Variants in LRRC75A observed in about 807,000 individuals in gnomAD.
LRRC75A encodes leucine rich repeat containing 75A.
Under a neutral mutation model 26.0 loss-of-function variants are expected in LRRC75A, and 12 were observed. The ratio of observed to expected loss-of-function variants is 0.46; its 90% confidence interval spans 0.30 to 0.75. LRRC75A has a LOEUF of 0.75. Among genes scored for constraint, LRRC75A ranks in the 30% least tolerant of loss-of-function variants. LRRC75A has a pLI of 0.08. For synonymous variants in LRRC75A, 223 were observed against 219.3 expected (o/e 1.02, Z -0.15); for missense variants, 410 against 486.6 (o/e 0.84, Z 1.48).
At chr17:16,451,186 G>C (rs1252737030) in intron 2 of LRRC75A, among the ~76,000 whole-genome samples, 1 of 152,162 alleles carries the variant, frequency 6.6e-6, no homozygotes, top group East Asian at 1.9e-4. Flanking sequence ...AGCAGCAGGA[G>C]TAGTGGAGTC....
At chr17:16,454,928 TTTTC>T (rs869067457) in intron 2 of LRRC75A, among the ~76,000 whole-genome samples, 6 of 149,982 alleles carry the variant, frequency 4.0e-5, no homozygotes, top group African/African-American at 4.9e-5. Context: ...TTTTCTTTTC[TTTTC>T]TTTTTTTTTT....
rs76143941 is a variant in LRRC75A, at chr17:16,491,141, G to C, written c.246+604C>G. ...ACAGGGCACCAAATCCAGCTCCCCT[G>C]TCTCTACCGCTTTCCGCAGGGGCTC... On this transcript the variant is annotated intron_variant, in intron 1 of 3. Transcript: ENST00000470794. The surrounding 1 kb of genome is among the most constrained non-coding windows in gnomAD (Gnocchi z 5.9). 0.035 allele frequency among the ~76,000 whole-genome samples: 5,264 copies of C among 152,370 alleles called. 287 individuals carry two copies. The highest frequency in any genetic ancestry group is 0.12 in the African/African-American group (4,968 of 41,574).
chr17:16,456,615 G>A (rs2093687604), intron 2 of LRRC75A, among the ~76,000 whole-genome samples: 1 of 152,132 alleles, frequency 6.6e-6, no homozygotes, highest in South Asian at 2.1e-4. Context: ...TGCGGCAGGG[G>A]GAAGAGCAGT....
chr17:16,482,264 T>G (rs1320402639), intron 1 of LRRC75A, among the ~76,000 whole-genome samples: 1 of 152,176 alleles, frequency 6.6e-6, no homozygotes, highest in Non-Finnish European at 1.5e-5. Flanking sequence ...TGGTGCTGGG[T>G]GTCCTTCAGT....
At chr17:16,460,545 T>C (rs2093720043) in intron 2 of LRRC75A, among the ~76,000 whole-genome samples, 1 of 151,986 alleles carries the variant, frequency 6.6e-6, no homozygotes, top group African/African-American at 2.4e-5. Context: ...GGAGCTCGGC[T>C]GCTCCCACCA....
intron 1 of LRRC75A, among the ~76,000 whole-genome samples, chr17:16,478,178 C>T (rs921865947): frequency 1.3e-5 from 2 of 150,726 alleles, no homozygotes; most frequent in Non-Finnish European, 3.0e-5. Flanking sequence ...TGCCCATTTT[C>T]TTCTTTTTTT....
rs2093736641 is a variant in LRRC75A, at chr17:16,462,605, T to C, written c.247-219A>G. On this transcript the variant is annotated intron_variant, in intron 1 of 3. Coordinates refer to ENST00000470794, the MANE Select transcript of LRRC75A (RefSeq NM_001113567.3). This position sits in a 1 kb window ranked among gnomAD's most constrained non-coding sequence, Gnocchi z 4.6. ...AGCAGGGACTGGCCTCTGCAGGCTC[T>C]GCAGTTTGTGCAGGTCCTGGCTTGT... Among the ~76,000 whole-genome samples the C allele has an allele frequency of 6.6e-6, 1 of 152,224 alleles. No individual in the cohort carries two copies. Among genetic ancestry groups the C allele is most frequent in the Non-Finnish European group, 1.5e-5 (1 of 68,034 alleles).
At chr17:16,489,403 C>T (rs1275338940) in intron 1 of LRRC75A, among the ~76,000 whole-genome samples, 2 of 152,190 alleles carry the variant, frequency 1.3e-5, no homozygotes, top group African/African-American at 4.8e-5. Flanking sequence ...TCTTTACTGG[C>T]TGTCTTGCTG....
rs1335818140 is a variant in LRRC75A, at chr17:16,442,480, G to A, written c.*1108C>T. 1 of 152,220 alleles carries A rather than the reference G, an allele frequency of 6.6e-6. No homozygotes were observed. The allele number at this position is 152,220 out of a possible 1,614,324, so 9.4% of individuals were successfully genotyped here. On this transcript the variant is annotated 3_prime_UTR_variant, in exon 4 of 4. Transcript: ENST00000470794. ...GTTATTTAGAAGAGATCCCTTAACT[G>A]GTAGGGCCCTTTCAGTAGGACAGTA... is the stretch of plus-strand genomic sequence containing the variant.
chr17:16,487,717 G>A (rs550792307), intron 1 of LRRC75A, among the ~76,000 whole-genome samples: 6 of 152,324 alleles, frequency 3.9e-5, no homozygotes, highest in Admixed American at 1.3e-4. Flanking sequence ...TTACAGGTGT[G>A]AGCATTTCGC....
Position 16,445,675 on chromosome 17 carries a change from T to C in LRRC75A, c.492-1544A>G, listed in dbSNP as rs1294287485. On this transcript the variant is annotated intron_variant, in intron 3 of 3. Transcript: ENST00000470794. ...CTGACTGGGGTCCAGCCCCAGGGAG[T>C]TGGAAAGTAAAACTCTCAAGGCGTG... Among the ~76,000 whole-genome samples the C allele has an allele frequency of 2.6e-5, 4 of 152,160 alleles. 1 individual carries two copies. In the South Asian group the frequency reaches 6.2e-4, roughly 24 times the overall value.
chr17:16,491,770 C>T lies in LRRC75A; in HGVS notation c.221G>A (p.Gly74Glu), dbSNP rs2093857947. The stretch of plus-strand genomic sequence containing the variant: ...CTGGCGCAGGTGCTGCAGCAGCGTC[C>T]CCGCCTCCTCCCGCCGGCCCTGGCG... ...MVRQGRREEA[G>E]TLLQHLRQDL... Residue 74 changes from glycine to glutamate, a missense_variant, in exon 1 of 4, where the codon GGG becomes GAG. Transcript: ENST00000470794. The surrounding 1 kb of genome is among the most constrained non-coding windows in gnomAD (Gnocchi z 5.9). 4.2e-6 allele frequency: 6 copies of T among 1,429,448 alleles called. No individual in the cohort carries two copies. The highest frequency in any genetic ancestry group is 5.5e-6 in the Non-Finnish European group (6 of 1,092,222). 88.5% of individuals were successfully genotyped at this position (1,429,448 alleles called of 1,614,324 possible).
In LRRC75A at chr17:16,491,967, G is replaced by A; in HGVS notation, c.24C>T (p.Gly8=). 8.2e-7 allele frequency: 1 copy of A among 1,212,738 alleles called. No individual in the cohort carries two copies. The allele number at this position is 1,212,738 out of a possible 1,614,324, so 75.1% of individuals were successfully genotyped here. MGTRQTK[G]SLAERASPGA... is the part of the protein sequence containing the mutation. Reference sequence around the variant, plus strand: ...CGGGGCTGGCTCTCTCCGCCAGGCTGCCCTTGGTCTGCCGGGTGCCCATGC... The same window carrying A: ...CGGGGCTGGCTCTCTCCGCCAGGCTACCCTTGGTCTGCCGGGTGCCCATGC... The change falls in exon 1 of 4, where the codon GGC becomes GGT. Residue 8 remains glycine (G), a synonymous_variant. Transcript: ENST00000470794. The surrounding 1 kb of genome is among the most constrained non-coding windows in gnomAD (Gnocchi z 5.9).
At chr17:16,473,861 G>A (rs1021880174) in intron 1 of LRRC75A, among the ~76,000 whole-genome samples, 2 of 152,192 alleles carry the variant, frequency 1.3e-5, no homozygotes, top group Non-Finnish European at 2.9e-5. Flanking sequence ...GCAGGAGTCA[G>A]CGGGCTGGGC....
chr17:16,482,163 G>A (rs765279323), intron 1 of LRRC75A, among the ~76,000 whole-genome samples: 5 of 152,206 alleles, frequency 3.3e-5, no homozygotes, highest in Admixed American at 6.5e-5. Flanking sequence ...CCAGGAGGCT[G>A]TGACTGCATA....
chr17:16,481,119 G>T (rs2093832981), intron 1 of LRRC75A, among the ~76,000 whole-genome samples: 1 of 152,250 alleles, frequency 6.6e-6, no homozygotes, highest in South Asian at 2.1e-4. Context: ...GCAGATCCAG[G>T]CCCCTTGGCC....
At chr17:16,480,717 T>C (rs1409928594) in intron 1 of LRRC75A, among the ~76,000 whole-genome samples, 1 of 150,978 alleles carries the variant, frequency 6.6e-6, no homozygotes, top group Non-Finnish European at 1.5e-5. Context: ...TCCCCTCTCC[T>C]GAGGCTGTCC....
intron 2 of LRRC75A, chr17:16,460,766 T>G (rs923593865): frequency 1.3e-5 from 2 of 152,322 alleles, no homozygotes; most frequent in Admixed American, 6.5e-5. Context: ...TTTGCTTTTT[T>G]GAGAGCCCCA....
intron 3 of LRRC75A, among the ~76,000 whole-genome samples, chr17:16,447,341 G>A (rs776206412): frequency 6.7e-6 from 1 of 149,368 alleles, no homozygotes; most frequent in Non-Finnish European, 1.5e-5. Context: ...GGGAGTGCTT[G>A]TTGCTCAGGC....
Sources: gnomAD v4.1 joint callset for allele counts (sites outside exome capture counted in the v4.1 genomes callset) on GRCh38, gnomAD v4.1.1 for gene constraint, Gnocchi (gnomAD v3.1) non-coding constraint, MANE v1.5 for transcripts, NCBI Gene and HGNC (gene_info 2026-07-23, HGNC 2026-07-21) for gene names.